The following RNF144B variants were observed in gnomAD, a reference collection of about 807,000 sequenced individuals.
The protein encoded by RNF144B is E3 ubiquitin-protein ligase RNF144B.
Under a neutral mutation model 40.2 loss-of-function variants are expected in RNF144B, and 25 were observed. The observed-to-expected ratio is 0.62, with a 90% CI of 0.45 to 0.87. The LOEUF (loss-of-function observed/expected upper bound fraction) is 0.87. Among genes scored for constraint, RNF144B ranks in the 40% least tolerant of loss-of-function variants. The pLI is 0.00. For synonymous variants in RNF144B, 145 were observed against 136.3 expected (o/e 1.06, Z -0.44); for missense variants, 365 against 373.7 (o/e 0.98, Z 0.19).
At chr6:18,397,679 T>A (rs940310028) in intron 1 of RNF144B, among the ~76,000 whole-genome samples, 7 of 152,134 alleles carry the variant, frequency 4.6e-5, no homozygotes, top group African/African-American at 1.7e-4. Flanking sequence ...TTCAGGGACC[T>A]TAAGGATAGC....
At chr6:18,440,100 C>G (rs146069295) in intron 4 of RNF144B, among the ~76,000 whole-genome samples, 5 of 152,080 alleles carry the variant, frequency 3.3e-5, no homozygotes, top group Non-Finnish European at 7.4e-5. Context: ...AAGATCACTT[C>G]GAAACATTAC....
Position 18,457,127 on chromosome 6 carries a change from C to T in RNF144B, c.332-28C>T. 3 of 1,517,978 alleles carry T rather than the reference C, an allele frequency of 2.0e-6. No individual in the cohort carries two copies. The highest frequency in any genetic ancestry group is 1.1e-5 in the South Asian group (1 of 89,172). The allele number at this position is 1,517,978 out of a possible 1,614,324, so 94.0% of individuals were successfully genotyped here. A position where few individuals can be genotyped will look rare whatever the true frequency, so the allele number is the denominator to read the frequency against. On this transcript the variant is annotated intron_variant, in intron 4 of 7. Coordinates refer to ENST00000259939, the MANE Select transcript of RNF144B (RefSeq NM_182757.4). This position sits in a 1 kb window ranked among gnomAD's most constrained non-coding sequence, Gnocchi z 5.1. ...AGACTCAAACATGAATCGGGCAGAC[C>T]ATCACATTTTCTTTCTTTACACTTT...
chr6:18,420,029 G>A (rs751003300), intron 2 of RNF144B, among the ~76,000 whole-genome samples: 1 of 152,140 alleles, frequency 6.6e-6, no homozygotes, highest in African/African-American at 2.4e-5. Flanking sequence ...GGATGGATGT[G>A]TGTTTGGGTG....
rs957555684 is a variant in RNF144B at position 18,410,402 on chromosome 6, A to T, written c.165+10703A>T. Among the ~76,000 whole-genome samples the T allele has an allele frequency of 1.3e-5, 2 of 152,196 alleles. No homozygotes were observed. The highest frequency in any genetic ancestry group is 4.8e-5 in the African/African-American group (2 of 41,454). On this transcript the variant is annotated intron_variant, in intron 2 of 7. Coordinates refer to ENST00000259939, the MANE Select transcript of RNF144B (RefSeq NM_182757.4). This position sits in a 1 kb window ranked among gnomAD's most constrained non-coding sequence, Gnocchi z 4.6. ...AAGGAAGTACAATATGTTATAAAGC[A>T]TACAGAAACCCACCTAAAATAGACT...
rs1477371329 is a variant in RNF144B at position 18,422,684 on chromosome 6, A to G, written c.166-4897A>G. Among the ~76,000 whole-genome samples the G allele has an allele frequency of 6.6e-6, 1 of 152,202 alleles. No homozygotes were observed. The highest frequency in any genetic ancestry group is 1.5e-5 in the Non-Finnish European group (1 of 68,034). On this transcript the variant is annotated intron_variant, in intron 2 of 7. Transcript: ENST00000259939. This position sits in a 1 kb window ranked among gnomAD's most constrained non-coding sequence, Gnocchi z 4.7. The stretch of plus-strand genomic sequence containing the variant: ...AACTTAAATTTTCAATGAATGGGCC[A>G]GTTGCAGTGGCTCACACCTGTAATC...
chr6:18,424,385 G>A (rs546028897), intron 2 of RNF144B, among the ~76,000 whole-genome samples: 1 of 152,308 alleles, frequency 6.6e-6, no homozygotes, highest in South Asian at 2.1e-4. Context: ...AAGTGCCTGT[G>A]CTGTAGGACT....
Position 18,395,987 on chromosome 6 carries a change from G to A in RNF144B, c.-36-3512G>A, listed in dbSNP as rs1474306829. Reference sequence around the variant, plus strand: ...GAAATATGTAACTTTTTTCCTCTATGTCACTGAGTCATAAGTCCTGCCTTT... The same window carrying A: ...GAAATATGTAACTTTTTTCCTCTATATCACTGAGTCATAAGTCCTGCCTTT... On this transcript the variant is annotated intron_variant, in intron 1 of 7. Coordinates refer to ENST00000259939, the MANE Select transcript of RNF144B (RefSeq NM_182757.4). This position sits in a 1 kb window ranked among gnomAD's most constrained non-coding sequence, Gnocchi z 4.5. Among the ~76,000 whole-genome samples the A allele has an allele frequency of 1.3e-5, 2 of 152,096 alleles. No individual in the cohort carries two copies. Among genetic ancestry groups the A allele is most frequent in the African/African-American group, 4.8e-5 (2 of 41,394 alleles).
intron 2 of RNF144B, among the ~76,000 whole-genome samples, chr6:18,404,817 C>T (rs1794862731): frequency 6.6e-6 from 1 of 152,170 alleles, no homozygotes; most frequent in South Asian, 2.1e-4. Flanking sequence ...TAAGAACTTG[C>T]TTACTTCCAA....
rs778421911 is a variant in RNF144B at position 18,463,350 on chromosome 6, A to T, written c.741A>T (p.Ser247=). 1 of 1,611,510 alleles carries T rather than the reference A, an allele frequency of 6.2e-7. No homozygotes were observed. ...KGPCRNKLGH[S]RASVMWNRTQ... ...CATGCAGGAATAAACTTGGCCACTC[A>T]AGAGCATCAGTGATGTGGAACCGAA... Residue 247 remains serine (S), a synonymous_variant, in exon 7 of 8, where the codon TCA becomes TCT. Coordinates refer to ENST00000259939, the MANE Select transcript of RNF144B (RefSeq NM_182757.4).
At position 18,456,200 on chromosome 6, in the gene RNF144B, G is replaced by A. The variant is rs1179720015; in HGVS notation, c.332-955G>A. ...GCCTCCCAAAGTGCTGGGATTACAG[G>A]CGTGAGCCACAGTGCCCGGCCCACA... On this transcript the variant is annotated intron_variant, in intron 4 of 7. Coordinates refer to ENST00000259939, the MANE Select transcript of RNF144B (RefSeq NM_182757.4). The surrounding 1 kb of genome is among the most constrained non-coding windows in gnomAD (Gnocchi z 4.7). 6.6e-6 allele frequency among the ~76,000 whole-genome samples: 1 copy of A among 152,200 alleles called. No individual in the cohort carries two copies. The highest frequency in any genetic ancestry group is 2.4e-5 in the African/African-American group (1 of 41,462).
At position 18,449,986 on chromosome 6, in the gene RNF144B, G is replaced by A. The variant is rs77424056; in HGVS notation, c.332-7169G>A. On this transcript the variant is annotated intron_variant, in intron 4 of 7. Transcript: ENST00000259939. The stretch of plus-strand genomic sequence containing the variant: ...AAAACAAATTGTATAAGTATTCTTT[G>A]TGCTTTCAGACAGAGTTACCAATTT... 4.1e-4 allele frequency among the ~76,000 whole-genome samples: 62 copies of A among 152,248 alleles called. No individual in the cohort carries two copies. The East Asian group carries it at 0.011, about 26-fold the overall frequency.
chr6:18,448,713 C>CAG lies in RNF144B; in HGVS notation c.332-8441_332-8440insGA, dbSNP rs1759140846. Among the ~76,000 whole-genome samples the CAG allele has an allele frequency of 2.6e-5, 4 of 151,266 alleles. No homozygotes were observed. The highest frequency in any genetic ancestry group is 5.9e-5 in the Non-Finnish European group (4 of 67,720). On this transcript the variant is annotated intron_variant, in intron 4 of 7. Transcript: ENST00000259939. The surrounding 1 kb of genome is among the most constrained non-coding windows in gnomAD (Gnocchi z 4.0). Reference sequence around the variant, plus strand: ...GCACACACACACACACACACACACACACACCCCACCCCCAAGATAGAACCA... The same window carrying CAG: ...GCACACACACACACACACACACACACAGACACCCCACCCCCAAGATAGAACCA...
intron 2 of RNF144B, among the ~76,000 whole-genome samples, chr6:18,413,267 T>C (rs1312499695): frequency 6.6e-6 from 1 of 152,214 alleles, no homozygotes; most frequent in Non-Finnish European, 1.5e-5. Context: ...GATCTTAACC[T>C]GAAATGTCTA....
At chr6:18,391,867 CA>C (rs1004132004) in intron 1 of RNF144B, among the ~76,000 whole-genome samples, 4 of 142,892 alleles carry the variant, frequency 2.8e-5, no homozygotes, top group Admixed American at 7.1e-5. Context: ...GACTCCATCT[CA>C]AAAAAAAAGG....
At chr6:18,389,011 C>T (rs1225536851) in intron 1 of RNF144B, among the ~76,000 whole-genome samples, 1 of 152,024 alleles carries the variant, frequency 6.6e-6, no homozygotes, top group Non-Finnish European at 1.5e-5. Context: ...CAAAAAAACC[C>T]CCCAAAACCC....
intron 3 of RNF144B, among the ~76,000 whole-genome samples, chr6:18,436,811 T>G (rs1019292275): frequency 6.6e-6 from 1 of 152,202 alleles, no homozygotes; most frequent in Admixed American, 6.5e-5. Flanking sequence ...ATTTCAATTT[T>G]ACAGTTGTAA....
In RNF144B at chr6:18,406,901, G is replaced by A. The variant is rs533215886; in HGVS notation, c.165+7202G>A. ...TTCTGCATGGATGGGGAGGCCTCAG[G>A]AAACTTACAATCATGGTGGAAGGGG... On this transcript the variant is annotated intron_variant, in intron 2 of 7. Coordinates refer to ENST00000259939, the MANE Select transcript of RNF144B (RefSeq NM_182757.4). This position sits in a 1 kb window ranked among gnomAD's most constrained non-coding sequence, Gnocchi z 4.2. Among the ~76,000 whole-genome samples the A allele has an allele frequency of 1.3e-4, 20 of 152,272 alleles. No individual in the cohort carries two copies. Among genetic ancestry groups the A allele is most frequent in the African/African-American group, 4.8e-4 (20 of 41,562 alleles).
intron 4 of RNF144B, among the ~76,000 whole-genome samples, chr6:18,455,025 C>T (rs567428536): frequency 8.5e-5 from 13 of 152,320 alleles, no homozygotes; most frequent in African/African-American, 2.9e-4. Flanking sequence ...ATATGGGAGT[C>T]TTTCACTCTA....
At chr6:18,440,387 G>C (rs1420583315) in intron 4 of RNF144B, among the ~76,000 whole-genome samples, 1 of 152,022 alleles carries the variant, frequency 6.6e-6, no homozygotes, top group Non-Finnish European at 1.5e-5. Context: ...GAGGTAAATG[G>C]ACTATTTCTT....
Sources: gnomAD v4.1 joint callset for allele counts (sites outside exome capture counted in the v4.1 genomes callset) on GRCh38, gnomAD v4.1.1 for gene constraint, Gnocchi (gnomAD v3.1) non-coding constraint, MANE v1.5 for transcripts, NCBI Gene and HGNC (gene_info 2026-07-23, HGNC 2026-07-21) for gene names.